The following SV2C variants were observed in gnomAD, a reference collection of about 807,000 sequenced individuals.
SV2C encodes the protein solute carrier family 22 member B3.
A neutral mutation model predicts 79.7 loss-of-function variants in SV2C; 49 were observed. The observed-to-expected ratio is 0.61, with a 90% CI of 0.49 to 0.78. The LOEUF (loss-of-function observed/expected upper bound fraction) is 0.78. Ranked by LOEUF, SV2C falls within the 30% of genes least tolerant of loss-of-function variation. The pLI is 0.00. For synonymous variants in SV2C, 334 were observed against 333.2 expected (o/e 1.00, Z -0.03); for missense variants, 833 against 912.9 (o/e 0.91, Z 1.13).
At chr5:76,138,056 A>G (rs1209604204) in intron 2 of SV2C, among the ~76,000 whole-genome samples, 1 of 152,270 alleles carries the variant, frequency 6.6e-6, no homozygotes, top group Non-Finnish European at 1.5e-5. Context: ...TGTGTGGGTC[A>G]TGGCCCAAGG....
chr5:75,876,534 AC>A, the SV2C span, among the ~76,000 whole-genome samples: 1 of 152,136 alleles, frequency 6.6e-6, no homozygotes, highest in East Asian at 1.9e-4. Flanking sequence ...GTGTTTACCT[AC>A]GTAACAAACC....
chr5:76,073,503 G>GTATGTATATA, the SV2C span, among the ~76,000 whole-genome samples: 2 of 67,412 alleles, frequency 3.0e-5, no homozygotes, highest in Non-Finnish European at 5.5e-5. Context: ...GTATGTGTGT[G>GTATGTATATA]TATATATATA....
chr5:75,853,450 G>A, the SV2C span, among the ~76,000 whole-genome samples: 2 of 150,710 alleles, frequency 1.3e-5, no homozygotes, highest in Non-Finnish European at 3.0e-5. Flanking sequence ...CAGCTACTCC[G>A]GAAGCTGAGG....
At chr5:75,920,504 C>G in the SV2C span, among the ~76,000 whole-genome samples, 1 of 152,186 alleles carries the variant, frequency 6.6e-6, no homozygotes, top group South Asian at 2.1e-4. Context: ...ACCCAGTGGG[C>G]TAAGCGGGGA....
At chr5:75,863,127 A>G in the SV2C span, among the ~76,000 whole-genome samples, 2 of 152,208 alleles carry the variant, frequency 1.3e-5, no homozygotes, top group African/African-American at 4.8e-5. Context: ...GTCTTTGAAC[A>G]AAGAAAAAGC....
At chr5:75,923,680 T>A in the SV2C span, among the ~76,000 whole-genome samples, 4 of 152,034 alleles carry the variant, frequency 2.6e-5, no homozygotes, top group African/African-American at 9.7e-5. Flanking sequence ...ACGCTAATCA[T>A]CAGGGAAATG....
rs1299911405 is a variant in SV2C, at chr5:76,330,117, A to G, written c.*4570A>G. ...TTCTGGATGTATTGTGTGTCCCTTCATTGTTTCAGGTATGGCGTAACAGTT... is the reference window on the plus strand; with the variant it reads ...TTCTGGATGTATTGTGTGTCCCTTCGTTGTTTCAGGTATGGCGTAACAGTT... On this transcript the variant is annotated 3_prime_UTR_variant, in exon 13 of 13. Transcript: ENST00000502798. 6.6e-6 allele frequency: 1 copy of G among 150,666 alleles called. No homozygotes were observed. The highest frequency in any genetic ancestry group is 1.5e-5 in the Non-Finnish European group (1 of 67,844). The allele number at this position is 150,666 out of a possible 1,614,324, so 9.3% of individuals were successfully genotyped here. A position where few individuals can be genotyped will look rare whatever the true frequency, so the allele number is the denominator to read the frequency against.
the SV2C span, among the ~76,000 whole-genome samples, chr5:75,850,644 A>G: frequency 6.6e-6 from 1 of 152,194 alleles, no homozygotes; most frequent in African/African-American, 2.4e-5. Flanking sequence ...TAATAAAAAA[A>G]AAAGCATATA....
intron 2 of SV2C, chr5:76,173,868 T>G (rs759298302): frequency 1.3e-6 from 2 of 1,597,668 alleles, no homozygotes; most frequent in South Asian, 2.2e-5. Context: ...ACATCATCAG[T>G]GTCTTTAACT....
chr5:75,883,590 A>G, the SV2C span, among the ~76,000 whole-genome samples: 1 of 147,374 alleles, frequency 6.8e-6, no homozygotes, highest in Non-Finnish European at 1.5e-5. Flanking sequence ...CGCAAGAACA[A>G]AAAACCCAAC....
chr5:76,173,420 A>G (rs1425664555), intron 2 of SV2C, among the ~76,000 whole-genome samples: 2 of 152,224 alleles, frequency 1.3e-5, no homozygotes, highest in Non-Finnish European at 2.9e-5. Context: ...CTCTAGGACT[A>G]TTATATAAGT....
the SV2C span, among the ~76,000 whole-genome samples, chr5:75,858,105 TTGTC>T: frequency 7.0e-3 from 1,067 of 152,314 alleles, 4 homozygotes; most frequent in African/African-American, 0.011. Flanking sequence ...TTCTTTCTCT[TTGTC>T]TGATTGCTCT....
Position 76,284,681 on chromosome 5 carries a change from A to G in SV2C, c.914-481A>G, listed in dbSNP as rs533078236. On this transcript the variant is annotated intron_variant, in intron 4 of 12. Coordinates refer to ENST00000502798, the MANE Select transcript of SV2C (RefSeq NM_014979.4). ...GGGGAAGGGAGAAGGGAAGCAAGGG[A>G]AATAATATCCCAACCCTCCTTCACT... Among the ~76,000 whole-genome samples, 27 of 152,264 alleles carry G rather than the reference A, an allele frequency of 1.8e-4. No homozygotes were observed. In the South Asian group the frequency reaches 5.0e-3, roughly 28 times the overall value.
At chr5:76,314,425 C>T (rs1363668011) in intron 12 of SV2C, among the ~76,000 whole-genome samples, 1 of 152,156 alleles carries the variant, frequency 6.6e-6, no homozygotes, top group Non-Finnish European at 1.5e-5. Flanking sequence ...CCACCTCCCC[C>T]TCTCCCTCTA....
chr5:76,099,853 A>G (rs1747679985), intron 1 of SV2C, among the ~76,000 whole-genome samples: 1 of 152,200 alleles, frequency 6.6e-6, no homozygotes, highest in African/African-American at 2.4e-5. Context: ...CTAAGAACTA[A>G]TATGTGTCTC....
the SV2C span, among the ~76,000 whole-genome samples, chr5:75,969,763 A>G: frequency 6.6e-6 from 1 of 152,068 alleles, no homozygotes; most frequent in Non-Finnish European, 1.5e-5. Context: ...AGACAGATCA[A>G]CGAGACAGAA....
chr5:75,933,846 C>T, the SV2C span, among the ~76,000 whole-genome samples: 1 of 152,278 alleles, frequency 6.6e-6, no homozygotes, highest in East Asian at 1.9e-4. Context: ...TTGCTTTCAC[C>T]ACTGTATCTA....
chr5:76,024,662 C>T, the SV2C span, among the ~76,000 whole-genome samples: 2 of 151,768 alleles, frequency 1.3e-5, no homozygotes, highest in Non-Finnish European at 2.9e-5. Flanking sequence ...GTGAGGAAAC[C>T]CCTCATTTAA....
chr5:76,312,269 G>T (rs1228725682), intron 12 of SV2C, among the ~76,000 whole-genome samples: 19 of 151,402 alleles, frequency 1.3e-4, no homozygotes, highest in African/African-American at 3.2e-4. Context: ...TTTTTGGGGG[G>T]GGGGACAGGG....
Sources: allele counts gnomAD v4.1 joint callset (sites outside exome capture counted in the v4.1 genomes callset), GRCh38; gene constraint gnomAD v4.1.1; transcripts MANE v1.5; gene names NCBI Gene and HGNC (gene_info 2026-07-23, HGNC 2026-07-21).